Variants in MAST4 observed in about 807,000 individuals in gnomAD.
MAST4 encodes the protein microtubule-associated serine/threonine-protein kinase 4.
MAST4 carries 89 observed loss-of-function variants against 162.7 expected under a neutral mutation model. That is an observed-to-expected ratio of 0.55 (90% confidence interval 0.46 to 0.65). The LOEUF (loss-of-function observed/expected upper bound fraction) is 0.65. Among genes scored for constraint, MAST4 ranks in the 30% least tolerant of loss-of-function variants. The pLI, the probability that MAST4 is intolerant of heterozygous loss-of-function variation, is 0.00. For missense variants in MAST4, 3,153 were observed against 3,374.0 expected (o/e 0.93, Z 1.62); for synonymous variants, 1,479 against 1,361.1 (o/e 1.09, Z -1.91).
chr5:67,100,624 G>T, intron 8 of MAST4, 32 bp downstream of exon 8: 1 of 1,612,364 alleles, frequency 6.2e-7, no homozygotes, highest in Non-Finnish European at 8.5e-7. Context: ...CCATTACTTA[G>T]TTGGATTCTC....
intron 4 of MAST4, among the ~76,000 whole-genome samples, chr5:66,943,152 C>T (rs1385276246): frequency 6.6e-6 from 1 of 152,076 alleles, no homozygotes; most frequent in Non-Finnish European, 1.5e-5. Flanking sequence ...TAGCACTGGC[C>T]ATCTCCATTC....
chr5:66,954,818 T>C (rs1745104160), intron 4 of MAST4, among the ~76,000 whole-genome samples: 1 of 151,618 alleles, frequency 6.6e-6, no homozygotes, highest in Non-Finnish European at 1.5e-5. Context: ...GGAGAATCGC[T>C]TGAACCCTGG....
intron 3 of MAST4, chr5:66,792,526 T>C (rs1031791241): frequency 6.5e-6 from 1 of 154,096 alleles, no homozygotes; most frequent in African/African-American, 2.4e-5. Context: ...GAATAAATAA[T>C]TATTTATGGA....
intron 4 of MAST4, among the ~76,000 whole-genome samples, chr5:66,982,268 G>A (rs187520688): frequency 1.3e-5 from 2 of 152,248 alleles, no homozygotes; most frequent in Admixed American, 6.5e-5. Flanking sequence ...GTGTTTGAGA[G>A]TGTGTGCTTT....
rs574058578 is a variant in MAST4, at chr5:67,055,291, G to A, written c.763+799G>A. Among the ~76,000 whole-genome samples, 5 of 152,290 alleles carry A rather than the reference G, an allele frequency of 3.3e-5. 1 individual carries two copies. The highest frequency in any genetic ancestry group is 1.2e-4 in the African/African-American group (5 of 41,562). On this transcript the variant is annotated intron_variant, in intron 5 of 28. Coordinates refer to ENST00000403625, the MANE Select transcript of MAST4 (RefSeq NM_001164664.2). ...GTTTGACTTTGAAGCCCTTTCAAGGGTTTTGAGGAGGATCTGTGTTATAGG... is the reference window on the plus strand; with the variant it reads ...GTTTGACTTTGAAGCCCTTTCAAGGATTTTGAGGAGGATCTGTGTTATAGG...
intron 4 of MAST4, among the ~76,000 whole-genome samples, chr5:66,950,938 G>GCTTAACA (rs1319260674): frequency 6.6e-6 from 1 of 152,140 alleles, no homozygotes; most frequent in Non-Finnish European, 1.5e-5. Flanking sequence ...TTAACATTAT[G>GCTTAACA]TTTGCAAGGT....
At chr5:66,598,434 A>G (rs1742340449) in intron 1 of MAST4, among the ~76,000 whole-genome samples, 1 of 152,198 alleles carries the variant, frequency 6.6e-6, no homozygotes, top group African/African-American at 2.4e-5. Flanking sequence ...CGAATCAGGA[A>G]TTTCAGATGA....
intron 3 of MAST4, among the ~76,000 whole-genome samples, chr5:66,860,099 C>A (rs1237890750): frequency 6.6e-6 from 1 of 152,158 alleles, no homozygotes; most frequent in Non-Finnish European, 1.5e-5. Context: ...GGAGCACAGA[C>A]CCTGGCCAAA....
intron 1 of MAST4, among the ~76,000 whole-genome samples, chr5:66,742,604 T>G (rs1458499587): frequency 2.0e-5 from 3 of 152,192 alleles, no homozygotes; most frequent in Non-Finnish European, 4.4e-5. Context: ...CAAATTATTT[T>G]CTGTTTTTAC....
chr5:66,821,396 T>TAGGGAACAAACA (rs1756988609), intron 3 of MAST4, among the ~76,000 whole-genome samples: 2 of 152,218 alleles, frequency 1.3e-5, no homozygotes, highest in Non-Finnish European at 2.9e-5. Context: ...GGAAAGAAAA[T>TAGGGAACAAACA]CTGTGGTTTT....
intron 14 of MAST4, among the ~76,000 whole-genome samples, chr5:67,127,473 C>G (rs542259988): frequency 3.9e-5 from 6 of 152,150 alleles, no homozygotes; most frequent in Admixed American, 6.5e-5. Flanking sequence ...AAGGCCTTTT[C>G]TGCATCTATT....
At position 66,925,482 on chromosome 5, in the gene MAST4, GA is replaced by G. The variant is rs1167650371; in HGVS notation, c.674+25502del. 2.0e-5 allele frequency among the ~76,000 whole-genome samples: 3 copies of G among 152,232 alleles called. No homozygotes were observed. In the East Asian group the frequency reaches 5.8e-4, roughly 29 times the overall value. ...AACAGAGATGCTATATTCATTTAGGGAATATAACAGATTTTCTTTGTTTTGC... is the reference window on the plus strand; with the variant it reads ...AACAGAGATGCTATATTCATTTAGGGATATAACAGATTTTCTTTGTTTTGC... On this transcript the variant is annotated intron_variant, in intron 4 of 28. Coordinates refer to ENST00000403625, the MANE Select transcript of MAST4 (RefSeq NM_001164664.2).
chr5:67,103,883 T>TA (rs1395974385), intron 9 of MAST4, among the ~76,000 whole-genome samples: 1 of 152,208 alleles, frequency 6.6e-6, no homozygotes, highest in African/African-American at 2.4e-5. Flanking sequence ...AATTCACAGA[T>TA]ACAATCTGAG....
intron 6 of MAST4, chr5:67,094,137 G>T: frequency 1.4e-6 from 2 of 1,467,590 alleles, no homozygotes; most frequent in East Asian, 2.3e-5. Flanking sequence ...TGATTCATTT[G>T]TACTCCAATC....
At chr5:67,059,832 T>A (rs568583592) in intron 5 of MAST4, among the ~76,000 whole-genome samples, 1 of 152,270 alleles carries the variant, frequency 6.6e-6, no homozygotes, top group Non-Finnish European at 1.5e-5. Context: ...ACAAAGAGAC[T>A]TCATTTCTTA....
chr5:67,013,646 G>A (rs190364423), intron 4 of MAST4, among the ~76,000 whole-genome samples: 44 of 152,244 alleles, frequency 2.9e-4, no homozygotes, highest in African/African-American at 1.0e-3. Flanking sequence ...AAAATCACTG[G>A]ATCCATAGCT....
rs77243609 is a variant in MAST4 at position 66,692,857 on chromosome 5, G to A, written c.364-66852G>A. On this transcript the variant is annotated intron_variant, in intron 1 of 28. Transcript: ENST00000403625. Reference sequence around the variant, plus strand: ...TCAAGGTATTCCAGTGTGCTTTGAAGTAGGTTGGTGGTAGCTGTCAGCCAG... The same window carrying A: ...TCAAGGTATTCCAGTGTGCTTTGAAATAGGTTGGTGGTAGCTGTCAGCCAG... 9.0e-3 allele frequency among the ~76,000 whole-genome samples: 1,363 copies of A among 152,228 alleles called. 19 individuals carry two copies. The highest frequency in any genetic ancestry group is 0.031 in the African/African-American group (1,298 of 41,538).
chr5:66,954,332 G>C (rs1296062115), intron 4 of MAST4, among the ~76,000 whole-genome samples: 1 of 152,130 alleles, frequency 6.6e-6, no homozygotes, highest in East Asian at 1.9e-4. Flanking sequence ...CACTCTTTGA[G>C]GTCATTGCTC....
chr5:67,026,401 C>T (rs545750959), intron 4 of MAST4, among the ~76,000 whole-genome samples: 1 of 152,320 alleles, frequency 6.6e-6, no homozygotes, highest in East Asian at 1.9e-4. Context: ...TGCATAAATG[C>T]CCCTGTGTTA....
Sources: allele counts gnomAD v4.1 joint callset (sites outside exome capture counted in the v4.1 genomes callset), GRCh38; gene constraint gnomAD v4.1.1; transcripts MANE v1.5; gene names NCBI Gene and HGNC (gene_info 2026-07-23, HGNC 2026-07-21).